The following PDSS2 variants were observed in gnomAD, a reference collection of about 807,000 sequenced individuals.
PDSS2 encodes the protein decaprenyl diphosphate synthase subunit 2.
PDSS2 carries 31 observed loss-of-function variants against 44.5 expected under a neutral mutation model. That is an observed-to-expected ratio of 0.70 (90% CI 0.52 to 0.94). The LOEUF (loss-of-function observed/expected upper bound fraction) is 0.94, where lower values mean the gene tolerates loss of function less well. Ranked by LOEUF, PDSS2 falls within the 40% of genes least tolerant of loss-of-function variation. The pLI, the probability that PDSS2 is intolerant of heterozygous loss-of-function variation, is 0.00. For synonymous variants in PDSS2, 157 were observed against 180.3 expected (o/e 0.87, Z 1.03); for missense variants, 452 against 482.2 (o/e 0.94, Z 0.59).
chr6:107,261,202 A>G (rs1206057654), intron 3 of PDSS2, among the ~76,000 whole-genome samples: 1 of 152,122 alleles, frequency 6.6e-6, no homozygotes, highest in Non-Finnish European at 1.5e-5. Flanking sequence ...AGGCTTGTAT[A>G]CTGTGTCTCT....
intron 3 of PDSS2, among the ~76,000 whole-genome samples, chr6:107,255,663 C>T (rs1487639381): frequency 1.3e-5 from 2 of 151,858 alleles, no homozygotes; most frequent in African/African-American, 4.8e-5. Flanking sequence ...TCACCACTCC[C>T]CAATGAAAAG....
At chr6:107,181,049 T>C (rs1333481310) in intron 7 of PDSS2, among the ~76,000 whole-genome samples, 1 of 152,124 alleles carries the variant, frequency 6.6e-6, no homozygotes, top group African/African-American at 2.4e-5. Flanking sequence ...TTCACCATGT[T>C]GGTCAGGCTG....
At chr6:107,379,752 A>G (rs148969629) in intron 1 of PDSS2, among the ~76,000 whole-genome samples, 1 of 152,000 alleles carries the variant, frequency 6.6e-6, no homozygotes, top group East Asian at 1.9e-4. Flanking sequence ...CTTTGTTTTT[A>G]GCTTTTTAAT....
intron 7 of PDSS2, among the ~76,000 whole-genome samples, chr6:107,169,472 T>C (rs1554248132): frequency 6.6e-6 from 1 of 152,222 alleles, no homozygotes; most frequent in African/African-American, 2.4e-5. Flanking sequence ...CCTTCTTCTC[T>C]CAACTCGTCA....
chr6:107,330,339 G>A (rs77061480), intron 2 of PDSS2, among the ~76,000 whole-genome samples: 3 of 152,208 alleles, frequency 2.0e-5, no homozygotes, highest in Admixed American at 6.5e-5. Flanking sequence ...TAGTCTAGCC[G>A]GGTACTCAAG....
At chr6:107,283,093 G>A (rs1776022661) in intron 2 of PDSS2, among the ~76,000 whole-genome samples, 1 of 151,384 alleles carries the variant, frequency 6.6e-6, no homozygotes, top group Admixed American at 6.6e-5. Flanking sequence ...CCAAGGCGGG[G>A]AGGATTGCTT....
In PDSS2 at chr6:107,235,813, A is replaced by G. The variant is rs1774204865; in HGVS notation, c.702+9735T>C. 2.0e-5 allele frequency among the ~76,000 whole-genome samples: 3 copies of G among 152,218 alleles called. No individual in the cohort carries two copies. In the South Asian group the frequency reaches 6.2e-4, roughly 31 times the overall value. ...TTCATAACTATATTCCATATGGCCA[A>G]GGAGCTAGAAGAAACACTGAGCATA... On this transcript the variant is annotated intron_variant, in intron 4 of 7. Coordinates refer to ENST00000369037, the MANE Select transcript of PDSS2 (RefSeq NM_020381.4).
intron 1 of PDSS2, among the ~76,000 whole-genome samples, chr6:107,341,088 C>T (rs1465230625): frequency 2.0e-5 from 3 of 152,014 alleles, no homozygotes; most frequent in Non-Finnish European, 2.9e-5. Context: ...ATGTTGTGTA[C>T]GGTGGAAAGG....
chr6:107,329,239 G>A (rs1777640420), intron 2 of PDSS2, among the ~76,000 whole-genome samples: 1 of 152,160 alleles, frequency 6.6e-6, no homozygotes, highest in Non-Finnish European at 1.5e-5. Context: ...CTACTCACTC[G>A]TTTAATTCTG....
Position 107,424,036 on chromosome 6 carries a change from CTTTT to C in PDSS2, c.296+34950_296+34953del, listed in dbSNP as rs56318621. On this transcript the variant is annotated intron_variant, in intron 1 of 7. Coordinates refer to ENST00000369037, the MANE Select transcript of PDSS2 (RefSeq NM_020381.4). ...AATTATGATTATTTTTATCTTGCATCTTTTTTTTTTTTTTTTTTTTTTTGGGACA... is the reference window on the plus strand; with the variant it reads ...AATTATGATTATTTTTATCTTGCATCTTTTTTTTTTTTTTTTTTTGGGACA... Among the ~76,000 whole-genome samples, 966 of 90,612 alleles carry C rather than the reference CTTTT, an allele frequency of 0.011. 49 individuals are homozygous for C. The East Asian group carries it at 0.14, about 13-fold the overall frequency. 59.4% of individuals were successfully genotyped at this position (90,612 alleles called of 152,430 possible).
chr6:107,458,538 C>G (rs1434006432), intron 1 of PDSS2, among the ~76,000 whole-genome samples: 1 of 151,868 alleles, frequency 6.6e-6, no homozygotes, highest in East Asian at 1.9e-4. Context: ...ACTTCAACCC[C>G]AAGACATTCG....
At chr6:107,359,480 T>G (rs1778698744) in intron 1 of PDSS2, among the ~76,000 whole-genome samples, 1 of 151,540 alleles carries the variant, frequency 6.6e-6, no homozygotes, top group African/African-American at 2.4e-5. Flanking sequence ...AAAAATTAGC[T>G]GGGCATGGAG....
intron 7 of PDSS2, among the ~76,000 whole-genome samples, chr6:107,179,955 T>C (rs929252531): frequency 6.6e-6 from 1 of 152,182 alleles, no homozygotes; most frequent in African/African-American, 2.4e-5. Flanking sequence ...GCAGGATTAG[T>C]GTATGACTGT....
chr6:107,252,700 G>A (rs1351644255), intron 3 of PDSS2, among the ~76,000 whole-genome samples: 12 of 152,152 alleles, frequency 7.9e-5, no homozygotes, highest in Non-Finnish European at 1.8e-4. Flanking sequence ...AGGCCGAGGT[G>A]GGAGGATCAC....
chr6:107,322,974 TATCAAC>T (rs1777429230), intron 2 of PDSS2, among the ~76,000 whole-genome samples: 3 of 152,192 alleles, frequency 2.0e-5, no homozygotes, highest in African/African-American at 7.2e-5. Flanking sequence ...TTGCCTCTAT[TATCAAC>T]ACCACCCACT....
At chr6:107,402,506 A>ATATACGTATATATATGTATATATG in intron 1 of PDSS2, among the ~76,000 whole-genome samples, 1 of 77,192 alleles carries the variant, frequency 1.3e-5, no homozygotes, top group East Asian at 4.5e-4. Flanking sequence ...GTATACATAT[A>ATATACGTATATATATGTATATATG]TATACACACA....
chr6:107,219,357 G>A (rs557173750), intron 4 of PDSS2, among the ~76,000 whole-genome samples: 1 of 152,032 alleles, frequency 6.6e-6, no homozygotes, highest in Non-Finnish European at 1.5e-5. Context: ...GCGCAATCTC[G>A]GCTCACTGCA....
At chr6:107,259,475 C>T (rs575229518) in intron 3 of PDSS2, among the ~76,000 whole-genome samples, 18 of 151,538 alleles carry the variant, frequency 1.2e-4, no homozygotes, top group Non-Finnish European at 2.7e-4. Context: ...CCAGCCTGGC[C>T]AACATGGTGA....
At chr6:107,269,733 C>G (rs1245134476) in intron 3 of PDSS2, among the ~76,000 whole-genome samples, 1 of 152,112 alleles carries the variant, frequency 6.6e-6, no homozygotes, top group Non-Finnish European at 1.5e-5. Flanking sequence ...GTGATCTGGG[C>G]TCACTGAACT....
Sources: allele counts gnomAD v4.1 joint callset (sites outside exome capture counted in the v4.1 genomes callset), GRCh38; gene constraint gnomAD v4.1.1; transcripts MANE v1.5; gene names NCBI Gene and HGNC (gene_info 2026-07-23, HGNC 2026-07-21).